The following RALYL variants were observed in gnomAD, a reference collection of about 807,000 sequenced individuals.
RALYL encodes RALY RNA binding protein like, also known as RNA-binding Raly-like protein.
RALYL carries 29 observed loss-of-function variants against 35.1 expected under a neutral mutation model. The observed-to-expected ratio is 0.83, with a 90% CI of 0.61 to 1.13. RALYL has a LOEUF of 1.13. RALYL is among the 50% of genes most tolerant of loss of function. The probability of loss-of-function intolerance (pLI) is 0.00; values close to 1 mark genes in which losing one functional copy is unlikely to be tolerated. For synonymous variants in RALYL, 120 were observed against 127.6 expected, an observed-to-expected ratio of 0.94 and a Z score of 0.40; for missense variants, 359 against 360.4, an observed-to-expected ratio of 1.00 and a Z score of 0.03.
At chr8:84,588,905 G>GA (rs1812585156) in intron 2 of RALYL, among the ~76,000 whole-genome samples, 1 of 150,048 alleles carries the variant, frequency 6.7e-6, no homozygotes. Flanking sequence ...CATAGGACTT[G>GA]TTTTTTTTTT....
intron 2 of RALYL, among the ~76,000 whole-genome samples, chr8:84,756,528 C>A (rs1811448152): frequency 6.6e-6 from 1 of 152,014 alleles, no homozygotes; most frequent in Non-Finnish European, 1.5e-5. Context: ...TGACTTAGTG[C>A]CATTTTAGGT....
chr8:84,838,659 C>T (rs1212733156), intron 4 of RALYL, among the ~76,000 whole-genome samples: 1 of 152,164 alleles, frequency 6.6e-6, no homozygotes, highest in Non-Finnish European at 1.5e-5. Context: ...TTAGCTATAA[C>T]TGGTTCTTGT....
At chr8:84,284,525 G>A (rs533401327) in intron 1 of RALYL, among the ~76,000 whole-genome samples, 1 of 152,240 alleles carries the variant, frequency 6.6e-6, no homozygotes, top group East Asian at 1.9e-4. Context: ...AAACACATAA[G>A]GACCAGTTAT....
chr8:84,890,949 G>A (rs1466270546), intron 8 of RALYL, among the ~76,000 whole-genome samples: 1 of 151,974 alleles, frequency 6.6e-6, no homozygotes, highest in African/African-American at 2.4e-5. Flanking sequence ...AGAAAATAAA[G>A]GCACAAAGGG....
chr8:84,608,644 G>A (rs1288634744), intron 2 of RALYL, among the ~76,000 whole-genome samples: 2 of 152,008 alleles, frequency 1.3e-5, no homozygotes, highest in African/African-American at 4.8e-5. Flanking sequence ...TAAACTATTA[G>A]GATAAAGTGT....
At chr8:84,384,549 AGAG>A (rs1242809062) in intron 1 of RALYL, among the ~76,000 whole-genome samples, 4 of 151,884 alleles carry the variant, frequency 2.6e-5, no homozygotes, top group Non-Finnish European at 5.9e-5. Context: ...TATACTTCTG[AGAG>A]TTTTTTCCTA....
chr8:84,333,057 C>G (rs1462748122), intron 1 of RALYL, among the ~76,000 whole-genome samples: 1 of 152,174 alleles, frequency 6.6e-6, no homozygotes, highest in Non-Finnish European at 1.5e-5. Context: ...ACAGAAGAGT[C>G]ATGATAGCTA....
chr8:84,447,163 C>T (rs1447039615), intron 1 of RALYL, among the ~76,000 whole-genome samples: 3 of 151,900 alleles, frequency 2.0e-5, no homozygotes, highest in East Asian at 3.9e-4. Flanking sequence ...TTAACATATC[C>T]GGGACTGTTT....
At chr8:84,497,642 G>GTTTTTTTTTTTTTTTTT (rs71271999) in intron 1 of RALYL, among the ~76,000 whole-genome samples, 1 of 117,234 alleles carries the variant, frequency 8.5e-6, no homozygotes, top group Non-Finnish European at 1.7e-5. Flanking sequence ...TTTTGTTTTT[G>GTTTTTTTTTTTTTTTTT]TTTTTTTTTT....
chr8:84,882,831 G>A (rs771485651), intron 7 of RALYL, among the ~76,000 whole-genome samples: 90 of 129,720 alleles, frequency 6.9e-4, no homozygotes, highest in South Asian at 9.3e-4. Flanking sequence ...TATAAAGAAC[G>A]AACTAAACGT....
Position 84,833,759 on chromosome 8 carries a change from GGTAGTCTAT to G in RALYL, c.366-16219_366-16211del, listed in dbSNP as rs1456480093. Among the ~76,000 whole-genome samples, 12 of 151,900 alleles carry G rather than the reference GGTAGTCTAT, an allele frequency of 7.9e-5. No homozygotes were observed. The East Asian group carries it at 1.9e-3, about 24-fold the overall frequency. ...GCAATATCTGGGAAGCCATAGACAA[GGTAGTCTAT>G]GCTATGAACTTTGATTATATTGATG... On this transcript the variant is annotated intron_variant, in intron 4 of 8. Coordinates refer to ENST00000521268, the MANE Select transcript of RALYL (RefSeq NM_173848.7).
intron 6 of RALYL, among the ~76,000 whole-genome samples, chr8:84,867,811 C>T (rs1839444151): frequency 1.3e-5 from 2 of 152,168 alleles, no homozygotes; most frequent in Admixed American, 1.3e-4. Flanking sequence ...GCACCTAACA[C>T]AGACAGGTAC....
intron 2 of RALYL, among the ~76,000 whole-genome samples, chr8:84,668,166 C>A (rs532670815): frequency 2.0e-4 from 30 of 152,196 alleles, no homozygotes; most frequent in African/African-American, 6.7e-4. Context: ...AGGTATATGA[C>A]AATCAGGAAA....
intron 1 of RALYL, among the ~76,000 whole-genome samples, chr8:84,508,010 T>C (rs182256803): frequency 6.6e-6 from 1 of 152,302 alleles, no homozygotes; most frequent in Non-Finnish European, 1.5e-5. Flanking sequence ...AAACACTTGT[T>C]AACTTGATGC....
At chr8:84,659,573 A>G (rs1353603823) in intron 2 of RALYL, among the ~76,000 whole-genome samples, 1 of 152,202 alleles carries the variant, frequency 6.6e-6, no homozygotes, top group Non-Finnish European at 1.5e-5. Flanking sequence ...TAAGCTTAAG[A>G]TATCAGAAGA....
At chr8:84,582,753 A>G (rs1024555320) in intron 2 of RALYL, among the ~76,000 whole-genome samples, 3 of 152,062 alleles carry the variant, frequency 2.0e-5, no homozygotes, top group African/African-American at 7.2e-5. Flanking sequence ...GATTTTAGGC[A>G]TGCTACAGAC....
chr8:84,286,212 G>A (rs1837568760), intron 1 of RALYL, among the ~76,000 whole-genome samples: 1 of 152,154 alleles, frequency 6.6e-6, no homozygotes, highest in South Asian at 2.1e-4. Flanking sequence ...ACAGGCATGA[G>A]CCACTGCGCC....
At chr8:84,808,658 T>C (rs1281490504) in intron 4 of RALYL, among the ~76,000 whole-genome samples, 1 of 152,214 alleles carries the variant, frequency 6.6e-6, no homozygotes, top group Non-Finnish European at 1.5e-5. Context: ...TTTCCATTTG[T>C]TTGTGTCATC....
At chr8:84,738,341 C>G (rs1011573159) in intron 2 of RALYL, among the ~76,000 whole-genome samples, 5 of 151,950 alleles carry the variant, frequency 3.3e-5, no homozygotes, top group African/African-American at 7.2e-5. Flanking sequence ...ATGCTATGAT[C>G]TTCACCATAA....
Sources: allele counts gnomAD v4.1 joint callset (sites outside exome capture counted in the v4.1 genomes callset), GRCh38; gene constraint gnomAD v4.1.1; transcripts MANE v1.5; gene names NCBI Gene and HGNC (gene_info 2026-07-23, HGNC 2026-07-21).